Variants in DYNLT1 observed in about 807,000 individuals in gnomAD.
DYNLT1 encodes dynein light chain Tctex-type 1, also known as T-complex testis-specific protein 1 homolog.
A neutral mutation model predicts 19.6 loss-of-function variants in DYNLT1; 18 were observed. That is an observed-to-expected ratio of 0.92 (90% CI 0.64 to 1.36). The LOEUF is 1.36. Ranked by LOEUF, DYNLT1 falls within the 40% of genes most tolerant of loss-of-function variation. The probability of loss-of-function intolerance (pLI) is 0.00; values close to 1 mark genes in which losing one functional copy is unlikely to be tolerated. For synonymous variants in DYNLT1, 56 were observed against 44.0 expected (o/e 1.27, Z -1.07); for missense variants, 137 against 139.3 (o/e 0.98, Z 0.08).
chr6:158,643,832 T>C, intron 1 of DYNLT1, among the ~76,000 whole-genome samples: 1 of 152,166 alleles, frequency 6.6e-6, no homozygotes, highest in East Asian at 1.9e-4. Flanking sequence ...GTATCTATAG[T>C]TTATATTTTT....
At chr6:158,639,882 T>C (rs1168994083) in intron 2 of DYNLT1, among the ~76,000 whole-genome samples, 1 of 152,192 alleles carries the variant, frequency 6.6e-6, no homozygotes, top group Non-Finnish European at 1.5e-5. Context: ...GGTTTCACCA[T>C]GTTGGACAGG....
At chr6:158,641,258 C>T (rs1787128249) in intron 2 of DYNLT1, 61 bp downstream of exon 2, 2 of 1,458,080 alleles carry the variant, frequency 1.4e-6, no homozygotes, top group East Asian at 2.4e-5. Flanking sequence ...GTATTTAAAA[C>T]ACATTATTTT....
At chr6:158,644,305 G>A (rs1403861958) in intron 1 of DYNLT1, among the ~76,000 whole-genome samples, 1 of 151,920 alleles carries the variant, frequency 6.6e-6, no homozygotes, top group African/African-American at 2.4e-5. Context: ...TGGGGCTGGG[G>A]CTGGGGTCAG....
At chr6:158,644,603 C>A (rs1409224089) in intron 1 of DYNLT1, 79 bp downstream of exon 1, 1 of 1,566,720 alleles carries the variant, frequency 6.4e-7, no homozygotes, top group Non-Finnish European at 8.7e-7. Context: ...GGCAGCCAGG[C>A]CTTTCCGGGC....
In DYNLT1 at chr6:158,637,007, T is replaced by C. The variant is rs766408181; in HGVS notation, c.272-110A>G. 5.2e-6 allele frequency: 8 copies of C among 1,540,110 alleles called. No individual in the cohort carries two copies. The Admixed American group carries it at 9.1e-5, about 18-fold the overall frequency. On this transcript the variant is annotated intron_variant, in intron 4 of 4. Coordinates refer to ENST00000367089, the MANE Select transcript of DYNLT1 (RefSeq NM_006519.4). ...CCATCTCTATGCTACACAAAGAACC[T>C]TGGCAAGTCTATTATTAAATGTTTT...
chr6:158,641,432 G>A, intron 1 of DYNLT1, 72 bp from the exon 2 acceptor site: 4 of 1,329,626 alleles, frequency 3.0e-6, no homozygotes, highest in Non-Finnish European at 4.2e-6. Context: ...AAATGCAAAT[G>A]TAGGTAATGA....
intron 1 of DYNLT1, among the ~76,000 whole-genome samples, chr6:158,643,315 C>T (rs889656317): frequency 6.6e-6 from 1 of 152,114 alleles, no homozygotes; most frequent in African/African-American, 2.4e-5. Context: ...CAGCTCTTCT[C>T]GTCATTATTC....
rs1242420775 is a variant in DYNLT1, at chr6:158,644,685, C to T, written c.24G>A (p.Glu8=). MEDYQAA[E]ETAFVVDEVS... is the part of the protein sequence containing the mutation. ...CCGTCGCCGACCCGGCGGTTACCTC[C>T]TCCGCAGCCTGGTAGTCTTCCATCT... The change falls in exon 1 of 5, where the codon GAG becomes GAA. Residue 8 remains glutamate, a synonymous_variant. Transcript: ENST00000367089. 1.9e-6 allele frequency: 3 copies of T among 1,612,060 alleles called. No individual in the cohort carries two copies. The highest frequency in any genetic ancestry group is 1.3e-5 in the African/African-American group (1 of 74,924).
intron 2 of DYNLT1, among the ~76,000 whole-genome samples, chr6:158,639,477 A>G (rs1787090650): frequency 6.6e-6 from 1 of 152,160 alleles, no homozygotes; most frequent in Non-Finnish European, 1.5e-5. Flanking sequence ...CCCTCCGCAC[A>G]TACTTTGAAA....
At chr6:158,637,929 C>A in intron 2 of DYNLT1, 35 bp from the exon 3 acceptor site, 1 of 1,595,970 alleles carries the variant, frequency 6.3e-7, no homozygotes, top group Non-Finnish European at 8.5e-7. Flanking sequence ...TCCCGGTTAA[C>A]CAAATGCACC....
chr6:158,644,558 G>T (rs997620127), intron 1 of DYNLT1, 124 bp downstream of exon 1: 24 of 1,177,954 alleles, frequency 2.0e-5, no homozygotes, highest in African/African-American at 3.2e-5. Flanking sequence ...AGCTCAGGCC[G>T]TGGGCTGCCG....
Position 158,636,507 on chromosome 6 carries a change from T to C in DYNLT1, c.*320A>G. The C allele has an allele frequency of 1.0e-5, 3 of 293,710 alleles. No individual in the cohort carries two copies. In the East Asian group the frequency reaches 2.2e-4, roughly 21 times the overall value. 18.2% of individuals were successfully genotyped at this position (293,710 alleles called of 1,614,324 possible). A position where few individuals can be genotyped will look rare whatever the true frequency, so the allele number is the denominator to read the frequency against. On this transcript the variant is annotated 3_prime_UTR_variant, in exon 5 of 5. Transcript: ENST00000367089. ...TGAATAATTTATTCTAACAAAAGTA[T>C]AAAGTATGGAAAATTAGTGTATTTG...
Position 158,644,688 on chromosome 6 carries a change from C to G in DYNLT1, c.21G>C (p.Ala7=), listed in dbSNP as rs1787319411. The change falls in exon 1 of 5, where the codon GCG becomes GCC. Residue 7 remains alanine, a synonymous_variant. Transcript: ENST00000367089. Reference sequence around the variant, plus strand: ...TCGCCGACCCGGCGGTTACCTCCTCCGCAGCCTGGTAGTCTTCCATCTTTC... The same window carrying G: ...TCGCCGACCCGGCGGTTACCTCCTCGGCAGCCTGGTAGTCTTCCATCTTTC... The part of the protein sequence containing the change: MEDYQA[A]EETAFVVDEV... 6.2e-7 allele frequency: 1 copy of G among 1,612,064 alleles called. No individual in the cohort carries two copies. Among genetic ancestry groups the G allele is most frequent in the South Asian group, 1.1e-5 (1 of 91,080 alleles).
At chr6:158,643,960 C>T (rs1233574515) in intron 1 of DYNLT1, among the ~76,000 whole-genome samples, 1 of 151,850 alleles carries the variant, frequency 6.6e-6, no homozygotes, top group African/African-American at 2.4e-5. Context: ...CCCGAATGAC[C>T]GTGAGCTTGA....
At chr6:158,637,673 A>G in intron 3 of DYNLT1, 98 bp downstream of exon 3, 2 of 1,597,384 alleles carry the variant, frequency 1.3e-6, no homozygotes, top group Non-Finnish European at 1.7e-6. Context: ...GCCTTCCTTG[A>G]GTTGAGCCAC....
intron 2 of DYNLT1, among the ~76,000 whole-genome samples, chr6:158,640,043 A>C (rs1340355080): frequency 6.6e-6 from 1 of 152,212 alleles, no homozygotes. Context: ...AAGATAAGGC[A>C]GAAAACAACT....
Position 158,638,810 on chromosome 6 carries a change from T to C in DYNLT1, c.70-916A>G, listed in dbSNP as rs144653606. ...TTATCTATGCTGTATTCTTTGGGGGTTATCTGACAATGCAAGCTCATTGTC... is the reference window on the plus strand; with the variant it reads ...TTATCTATGCTGTATTCTTTGGGGGCTATCTGACAATGCAAGCTCATTGTC... On this transcript the variant is annotated intron_variant, in intron 2 of 4. Coordinates refer to ENST00000367089, the MANE Select transcript of DYNLT1 (RefSeq NM_006519.4). Among the ~76,000 whole-genome samples the C allele has an allele frequency of 2.5e-3, 374 of 152,338 alleles. 2 individuals carry two copies. The highest frequency in any genetic ancestry group is 9.6e-3 in the East Asian group (50 of 5,186).
intron 2 of DYNLT1, among the ~76,000 whole-genome samples, chr6:158,640,633 T>A (rs1787115619): frequency 6.6e-6 from 1 of 152,116 alleles, no homozygotes; most frequent in African/African-American, 2.4e-5. Context: ...TTCTGCAGAT[T>A]TCAGCTCGAA....
intron 1 of DYNLT1, 89 bp downstream of exon 1, chr6:158,644,593 G>C: frequency 6.6e-7 from 1 of 1,508,342 alleles, no homozygotes; most frequent in South Asian, 1.2e-5. Flanking sequence ...GAAGGAGGTG[G>C]GCAGCCAGGC....
Sources: allele counts gnomAD v4.1 joint callset (sites outside exome capture counted in the v4.1 genomes callset), GRCh38; gene constraint gnomAD v4.1.1; transcripts MANE v1.5; gene names NCBI Gene and HGNC (gene_info 2026-07-23, HGNC 2026-07-21).